The following RHOH variants were observed in gnomAD, a reference collection of about 807,000 sequenced individuals.
RHOH encodes the protein ras homolog family member H.
A neutral mutation model predicts 13.8 loss-of-function variants in RHOH; 6 were observed. The observed-to-expected ratio is 0.44, with a 90% CI of 0.24 to 0.86. RHOH has a LOEUF of 0.86. Ranked by LOEUF, RHOH falls within the 40% of genes least tolerant of loss-of-function variation. The pLI, the probability that RHOH is intolerant of heterozygous loss-of-function variation, is 0.24. For synonymous variants in RHOH, 117 were observed against 103.0 expected (o/e 1.14, Z -0.82); for missense variants, 147 against 244.5 (o/e 0.60, Z 2.66).
chr4:40,219,199 G>A lies in RHOH; in HGVS notation c.-331+21899G>A, dbSNP rs140093737. Among the ~76,000 whole-genome samples the A allele has an allele frequency of 4.3e-3, 656 of 152,206 alleles. 7 individuals are homozygous for A. Among genetic ancestry groups the A allele is most frequent in the African/African-American group, 0.015 (625 of 41,538 alleles). On this transcript the variant is annotated intron_variant, in intron 1 of 2. Coordinates refer to ENST00000381799, the MANE Select transcript of RHOH (RefSeq NM_004310.5). ...GGCCAAGGTGGGTGGATCACCTGAA[G>A]TCAGGAGTTTGAGACCATCCTGGCC...
upstream of RHOH, chr4:40,193,945 A>G (rs1264229652): frequency 6.6e-6 from 1 of 152,222 alleles, no homozygotes; most frequent in African/African-American, 2.4e-5. Context: ...GTTATAAATC[A>G]TGCTGGTGGC....
chr4:40,244,794 G>T lies in RHOH; in HGVS notation c.*832G>T, dbSNP rs140027271. 2.0e-4 allele frequency: 35 copies of T among 177,054 alleles called. No homozygotes were observed. The highest frequency in any genetic ancestry group is 7.6e-4 in the African/African-American group (32 of 42,344). The allele number at this position is 177,054 out of a possible 1,614,324, so 11.0% of individuals were successfully genotyped here. ...AATGGCAACAGAACTTGGAACAGAA[G>T]CAAGAGAGTGTCACTTTCACTTCTG... On this transcript the variant is annotated 3_prime_UTR_variant, in exon 3 of 3. Coordinates refer to ENST00000381799, the MANE Select transcript of RHOH (RefSeq NM_004310.5).
At chr4:40,233,532 C>T (rs1728198127) in intron 1 of RHOH, among the ~76,000 whole-genome samples, 1 of 152,140 alleles carries the variant, frequency 6.6e-6, no homozygotes, top group Admixed American at 6.6e-5. Context: ...TCTACATGCC[C>T]CTTCTTACTC....
Position 40,230,433 on chromosome 4 carries a change from C to T in RHOH, c.-330-12281C>T, listed in dbSNP as rs1386147232. On this transcript the variant is annotated intron_variant, in intron 1 of 2. Transcript: ENST00000381799. ...GCAGCCTCTGCCTCCCAGGTTCAAG[C>T]GATTTTCCTGACCCAGCCTCCCGAA... is the stretch of plus-strand genomic sequence containing the variant. Among the ~76,000 whole-genome samples the T allele has an allele frequency of 9.2e-5, 14 of 152,074 alleles. No homozygotes were observed. The South Asian group carries it at 2.7e-3, about 29-fold the overall frequency.
chr4:40,194,500 A>G (rs529633188), upstream of RHOH, among the ~76,000 whole-genome samples: 3 of 152,258 alleles, frequency 2.0e-5, no homozygotes, highest in Admixed American at 2.0e-4. Context: ...AAGTTTTGGG[A>G]TTATAGGCGT....
chr4:40,216,008 C>T (rs923843741), intron 1 of RHOH, among the ~76,000 whole-genome samples: 1 of 152,120 alleles, frequency 6.6e-6, no homozygotes, highest in Admixed American at 6.5e-5. Context: ...TTCTGTCATC[C>T]TTGCCCCATG....
At chr4:40,205,032 G>T (rs944072519) in intron 1 of RHOH, among the ~76,000 whole-genome samples, 2 of 152,110 alleles carry the variant, frequency 1.3e-5, no homozygotes, top group South Asian at 4.1e-4. Context: ...GGAGGCCGAG[G>T]CAGGCAGATC....
intron 1 of RHOH, among the ~76,000 whole-genome samples, chr4:40,199,395 G>T (rs1723668335): frequency 6.6e-6 from 1 of 152,238 alleles, no homozygotes; most frequent in Non-Finnish European, 1.5e-5. Context: ...GACAGGTGGA[G>T]GCTGGGAATT....
chr4:40,224,009 T>C (rs986256202), intron 1 of RHOH, among the ~76,000 whole-genome samples: 1 of 152,116 alleles, frequency 6.6e-6, no homozygotes, highest in Non-Finnish European at 1.5e-5. Context: ...CGACCTCAGG[T>C]GATCTGCCTG....
intron 1 of RHOH, among the ~76,000 whole-genome samples, chr4:40,230,333 C>T (rs966325399): frequency 6.6e-6 from 1 of 151,732 alleles, no homozygotes; most frequent in African/African-American, 2.4e-5. Context: ...TCATGGCACC[C>T]GGCCTGGACT....
At chr4:40,229,950 C>T (rs1459305372) in intron 1 of RHOH, among the ~76,000 whole-genome samples, 1 of 152,162 alleles carries the variant, frequency 6.6e-6, no homozygotes, top group Non-Finnish European at 1.5e-5. Flanking sequence ...CCTGACAATA[C>T]AGTTATCACC....
upstream of RHOH, among the ~76,000 whole-genome samples, chr4:40,193,432 C>T (rs550794051): frequency 1.3e-5 from 2 of 149,504 alleles, no homozygotes; most frequent in South Asian, 4.2e-4. Flanking sequence ...TGCTTCCTCC[C>T]CTCACCACTA....
chr4:40,204,947 G>A (rs1472720341), intron 1 of RHOH, among the ~76,000 whole-genome samples: 1 of 152,212 alleles, frequency 6.6e-6, no homozygotes, highest in Non-Finnish European at 1.5e-5. Context: ...TTATCAGCTC[G>A]TGATGCCTTG....
At chr4:40,224,099 CA>C (rs1170321167) in intron 1 of RHOH, among the ~76,000 whole-genome samples, 1 of 151,418 alleles carries the variant, frequency 6.6e-6, no homozygotes, top group Non-Finnish European at 1.5e-5. Context: ...CACTAGGAAA[CA>C]AAAAAAACTG....
At chr4:40,242,333 A>G (rs1729355913) in intron 1 of RHOH, among the ~76,000 whole-genome samples, 1 of 152,234 alleles carries the variant, frequency 6.6e-6, no homozygotes, top group Non-Finnish European at 1.5e-5. Context: ...GGAGTTCGGG[A>G]TACACAGATG....
At chr4:40,192,385 G>A (rs1003318646), upstream of RHOH, among the ~76,000 whole-genome samples, 7 of 152,180 alleles carry the variant, frequency 4.6e-5, no homozygotes, top group African/African-American at 1.7e-4. Flanking sequence ...ATAGCAAGGG[G>A]GAGGGAAAGG....
chr4:40,191,339 G>A (rs760406299), upstream of RHOH: 1 of 152,174 alleles, frequency 6.6e-6, no homozygotes, highest in Non-Finnish European at 1.5e-5. Context: ...AGTGAATAAG[G>A]TGGGTTAAAA....
Position 40,218,721 on chromosome 4 carries a change from G to A in RHOH, c.-331+21421G>A, listed in dbSNP as rs923040287. On this transcript the variant is annotated intron_variant, in intron 1 of 2. Coordinates refer to ENST00000381799, the MANE Select transcript of RHOH (RefSeq NM_004310.5). This position sits in a 1 kb window ranked among gnomAD's most constrained non-coding sequence, Gnocchi z 4.1. ...CACAGAAACATGAACTACCAGCCTT[G>A]GAGGGGCCCTGAGAGCCCATCTAGT... 6.6e-6 allele frequency among the ~76,000 whole-genome samples: 1 copy of A among 152,140 alleles called. No homozygotes were observed. Among genetic ancestry groups the A allele is most frequent in the African/African-American group, 2.4e-5 (1 of 41,426 alleles).
chr4:40,212,990 C>T (rs749422701), intron 1 of RHOH, among the ~76,000 whole-genome samples: 3 of 152,210 alleles, frequency 2.0e-5, no homozygotes, highest in Non-Finnish European at 4.4e-5. Flanking sequence ...CAGAGCGAGA[C>T]GTGTGCTGTG....
Sources: gnomAD v4.1 joint callset for allele counts (sites outside exome capture counted in the v4.1 genomes callset) on GRCh38, gnomAD v4.1.1 for gene constraint, Gnocchi (gnomAD v3.1) non-coding constraint, MANE v1.5 for transcripts, NCBI Gene and HGNC (gene_info 2026-07-23, HGNC 2026-07-21) for gene names.